Variants in PCDHA2 observed in about 807,000 individuals in gnomAD.
The protein encoded by PCDHA2 is protocadherin alpha-2.
A neutral mutation model predicts 66.0 loss-of-function variants in PCDHA2; 58 were observed. The observed-to-expected ratio is 0.88, with a 90% CI of 0.71 to 1.09. The LOEUF is 1.09. PCDHA2 is among the 50% of genes least tolerant of loss of function. The pLI, the probability that PCDHA2 is intolerant of heterozygous loss-of-function variation, is 0.00. For synonymous variants in PCDHA2, 634 were observed against 554.0 expected (o/e 1.14, Z -2.03); for missense variants, 1,267 against 1,242.3 (o/e 1.02, Z -0.30).
At chr5:140,830,341 C>T (rs1554132760) in intron 1 of PCDHA2, 11 of 1,613,972 alleles carry the variant, frequency 6.8e-6, no homozygotes, top group Admixed American at 1.7e-5. Flanking sequence ...GCTGGTCGTA[C>T]TCGCAGCAGA....
intron 1 of PCDHA2, among the ~76,000 whole-genome samples, chr5:140,978,477 G>A (rs1362771671): frequency 6.6e-6 from 1 of 152,342 alleles, no homozygotes; most frequent in African/African-American, 2.4e-5. Context: ...ATATGCTGCA[G>A]TCTGCAAAGC....
Position 140,796,795 on chromosome 5 carries a change from C to CT in PCDHA2, c.1833dup (p.Gln612SerfsTer19). ...CTACAACGCGTGGCTTTCGTACGAGCTTCAGCTGGGTACTGGCAGCGCTCG... is the reference window on the plus strand; with the variant it reads ...CTACAACGCGTGGCTTTCGTACGAGCTTTCAGCTGGGTACTGGCAGCGCTCG... On this transcript the variant is annotated frameshift_variant, in exon 1 of 4. Transcript: ENST00000526136. LOFTEE classifies it high-confidence loss of function. 6.2e-7 allele frequency: 1 copy of CT among 1,614,154 alleles called. No homozygotes were observed. Among genetic ancestry groups the CT allele is most frequent in the South Asian group, 1.1e-5 (1 of 91,092 alleles).
At chr5:140,827,338 G>A (rs1158154683) in intron 1 of PCDHA2, among the ~76,000 whole-genome samples, 1 of 152,144 alleles carries the variant, frequency 6.6e-6, no homozygotes, top group Non-Finnish European at 1.5e-5. Flanking sequence ...AAGTGGTGAA[G>A]TATATGAAAA....
rs371269236 is a variant in PCDHA2, at chr5:141,009,740, G to A, written c.2650G>A (p.Asp884Asn). Residue 884 changes from aspartate to asparagine, a missense_variant, in exon 4 of 4, where the codon GAC becomes AAC. Asp to Asn is a conservative substitution (Grantham distance 23, BLOSUM62 1). Coordinates refer to ENST00000526136, the MANE Select transcript of PCDHA2 (RefSeq NM_018905.3). ...PKQSGPGELP[D>N]KFIIPGSPAI... ...ACAATCCGGTCCCGGTGAGTTGCCC[G>A]ACAAATTCATTATCCCAGGATCTCC... The A allele has an allele frequency of 1.8e-4, 293 of 1,613,962 alleles. No individual in the cohort carries two copies. Among genetic ancestry groups the A allele is most frequent in the East Asian group, 1.6e-3 (74 of 44,884 alleles).
chr5:140,857,262 C>A (rs969366268), intron 1 of PCDHA2: 1 of 1,598,710 alleles, frequency 6.3e-7, no homozygotes, highest in Non-Finnish European at 8.6e-7. Context: ...AATTACTACT[C>A]ATTGGTGCTG....
At chr5:140,874,887 T>G (rs1315281628) in intron 1 of PCDHA2, among the ~76,000 whole-genome samples, 2 of 152,350 alleles carry the variant, frequency 1.3e-5, no homozygotes, top group East Asian at 3.9e-4. Context: ...AATTCCTAAC[T>G]TTCTCTAAAA....
chr5:140,966,803 C>G, intron 1 of PCDHA2: 1 of 1,542,484 alleles, frequency 6.5e-7, no homozygotes, highest in Non-Finnish European at 8.7e-7. Context: ...GGCGACAGAG[C>G]ATCCACGGCT....
chr5:140,967,707 C>G, intron 1 of PCDHA2: 1 of 1,614,158 alleles, frequency 6.2e-7, no homozygotes, highest in Non-Finnish European at 8.5e-7. Flanking sequence ...GATGCCAGTA[C>G]CGGGGAAGTG....
intron 1 of PCDHA2, among the ~76,000 whole-genome samples, chr5:140,911,672 C>T (rs1010402307): frequency 2.6e-5 from 4 of 152,154 alleles, no homozygotes; most frequent in Non-Finnish European, 5.9e-5. Flanking sequence ...TTGCCTCTCA[C>T]GAACCGTGCA....
At chr5:140,838,002 T>TA (rs1491059163) in intron 1 of PCDHA2, among the ~76,000 whole-genome samples, 1 of 151,590 alleles carries the variant, frequency 6.6e-6, no homozygotes, top group African/African-American at 2.4e-5. Context: ...TCCTTTTTTT[T>TA]AAAAAAAGAA....
chr5:140,909,684 G>A (rs2074634664), intron 1 of PCDHA2, among the ~76,000 whole-genome samples: 1 of 152,220 alleles, frequency 6.6e-6, no homozygotes, highest in Non-Finnish European at 1.5e-5. Context: ...GGGAGCCAAT[G>A]TGGGGGTTCT....
At chr5:140,949,005 A>G (rs1554218775) in intron 1 of PCDHA2, among the ~76,000 whole-genome samples, 1 of 151,654 alleles carries the variant, frequency 6.6e-6, no homozygotes, top group African/African-American at 2.4e-5. Context: ...ACTAATTTTT[A>G]TATGTGATGT....
chr5:140,934,373 T>G (rs1414749100), intron 1 of PCDHA2, among the ~76,000 whole-genome samples: 1 of 152,182 alleles, frequency 6.6e-6, no homozygotes, highest in African/African-American at 2.4e-5. Flanking sequence ...TGACTCCTTC[T>G]GTGGTTCTAT....
intron 1 of PCDHA2, among the ~76,000 whole-genome samples, chr5:140,892,991 A>G (rs1477087965): frequency 1.3e-5 from 2 of 152,196 alleles, no homozygotes; most frequent in African/African-American, 2.4e-5. Context: ...TATAAGTGAG[A>G]ACATGTATTT....
At chr5:140,883,952 G>C (rs782014250) in intron 1 of PCDHA2, 17 of 1,613,030 alleles carry the variant, frequency 1.1e-5, no homozygotes, top group Non-Finnish European at 1.4e-5. Context: ...GAACGACAAC[G>C]CTCCGGCGCT....
chr5:140,926,905 G>A (rs1228610236), intron 1 of PCDHA2: 1 of 1,558,988 alleles, frequency 6.4e-7, no homozygotes, highest in Admixed American at 1.8e-5. Flanking sequence ...GGTGGGCTGT[G>A]GGGTGGCAGT....
At chr5:140,995,203 T>G (rs2097669345) in intron 3 of PCDHA2, among the ~76,000 whole-genome samples, 2 of 152,180 alleles carry the variant, frequency 1.3e-5, no homozygotes, top group African/African-American at 2.4e-5. Flanking sequence ...ATTTATAAAT[T>G]AGGCACAATA....
intron 1 of PCDHA2, chr5:140,876,818 A>G: frequency 6.2e-7 from 1 of 1,614,158 alleles, no homozygotes; most frequent in Non-Finnish European, 8.5e-7. Flanking sequence ...GCCGACGTGA[A>G]CGACAATGCG....
intron 1 of PCDHA2, among the ~76,000 whole-genome samples, chr5:140,837,878 C>T (rs1554136685): frequency 6.6e-6 from 1 of 151,624 alleles, no homozygotes; most frequent in Non-Finnish European, 1.5e-5. Context: ...AGGGTGGAGT[C>T]TTGTTTCCCA....
Sources: allele counts gnomAD v4.1 joint callset (sites outside exome capture counted in the v4.1 genomes callset), GRCh38; gene constraint gnomAD v4.1.1; transcripts MANE v1.5; gene names NCBI Gene and HGNC (gene_info 2026-07-23, HGNC 2026-07-21).